The following CAMTA1 variants were observed in gnomAD, a reference collection of about 807,000 sequenced individuals.
CAMTA1 encodes the protein calmodulin binding transcription activator 1.
CAMTA1 carries 27 observed loss-of-function variants against 170.9 expected under a neutral mutation model. The observed-to-expected ratio is 0.16, with a 90% confidence interval of 0.12 to 0.22. CAMTA1 has a LOEUF of 0.22. Ranked by LOEUF, CAMTA1 falls within the 10% of genes least tolerant of loss-of-function variation. The pLI, the probability that CAMTA1 is intolerant of heterozygous loss-of-function variation, is 1.00. For synonymous variants in CAMTA1, 833 were observed against 891.5 expected, an observed-to-expected ratio of 0.93 and a Z score of 1.17; for missense variants, 1,619 against 2,217.2, an observed-to-expected ratio of 0.73 and a Z score of 5.42.
At chr1:7,038,408 G>GA (rs1471162527) in intron 3 of CAMTA1, among the ~76,000 whole-genome samples, 1 of 152,092 alleles carries the variant, frequency 6.6e-6, no homozygotes, top group East Asian at 1.9e-4. Flanking sequence ...TATATTAAGT[G>GA]AAAAAATTAG....
chr1:7,246,068 A>G (rs959997878), intron 4 of CAMTA1, among the ~76,000 whole-genome samples: 5 of 152,146 alleles, frequency 3.3e-5, no homozygotes, highest in Admixed American at 6.5e-5. Context: ...ATCCCTGTCT[A>G]TCGGGTAAAG....
At chr1:6,962,743 AT>A (rs768429617) in intron 3 of CAMTA1, among the ~76,000 whole-genome samples, 19 of 105,452 alleles carry the variant, frequency 1.8e-4, no homozygotes, top group Non-Finnish European at 3.1e-4. Flanking sequence ...CCCATCCTCC[AT>A]CCCTTTTCGT....
intron 6 of CAMTA1, among the ~76,000 whole-genome samples, chr1:7,637,419 C>T (rs1013909528): frequency 3.3e-5 from 5 of 152,226 alleles, no homozygotes; most frequent in African/African-American, 1.2e-4. Flanking sequence ...CCTGGCCGTG[C>T]CCAGGCACAG....
intron 3 of CAMTA1, among the ~76,000 whole-genome samples, chr1:6,886,656 A>C (rs1673312488): frequency 6.6e-6 from 1 of 152,260 alleles, no homozygotes; most frequent in African/African-American, 2.4e-5. Context: ...TTTGGAAATC[A>C]GTCCCAAATT....
At chr1:7,323,128 A>AAG (rs1678711731) in intron 5 of CAMTA1, among the ~76,000 whole-genome samples, 1 of 151,864 alleles carries the variant, frequency 6.6e-6, no homozygotes, top group Non-Finnish European at 1.5e-5. Flanking sequence ...TTTTTTTAAA[A>AAG]AATTAACCTT....
At chr1:7,334,464 C>T (rs1021530661) in intron 5 of CAMTA1, among the ~76,000 whole-genome samples, 7 of 152,246 alleles carry the variant, frequency 4.6e-5, no homozygotes, top group Non-Finnish European at 1.5e-5. Context: ...TTTCTGCTTA[C>T]CCTAGCATGT....
intron 3 of CAMTA1, among the ~76,000 whole-genome samples, chr1:6,826,034 A>G (rs1158003459): frequency 1.3e-5 from 2 of 152,284 alleles, no homozygotes; most frequent in South Asian, 4.2e-4. Flanking sequence ...TTGATGTCCA[A>G]GTTAAAGCAA....
chr1:6,809,011 TTTCTTC>T (rs201691855), intron 1 of CAMTA1, among the ~76,000 whole-genome samples: 17 of 151,622 alleles, frequency 1.1e-4, no homozygotes, highest in African/African-American at 2.9e-4. Flanking sequence ...TACCACTGTT[TTTCTTC>T]TTCTTCTTTT....
At chr1:7,394,109 A>G (rs2089023213) in intron 5 of CAMTA1, among the ~76,000 whole-genome samples, 3 of 152,176 alleles carry the variant, frequency 2.0e-5, no homozygotes, top group Admixed American at 2.0e-4. Flanking sequence ...GCTGATGAAC[A>G]CTTAGGTTGA....
chr1:7,403,550 G>A (rs2090068279), intron 5 of CAMTA1, among the ~76,000 whole-genome samples: 2 of 152,150 alleles, frequency 1.3e-5, no homozygotes, highest in South Asian at 4.1e-4. Context: ...GAGCTGGTCA[G>A]GTGTTAGTGA....
intron 5 of CAMTA1, among the ~76,000 whole-genome samples, chr1:7,386,543 C>T (rs1208324274): frequency 6.6e-6 from 1 of 152,210 alleles, no homozygotes; most frequent in Non-Finnish European, 1.5e-5. Flanking sequence ...TTGGCCTTCT[C>T]TCTCCAACTA....
At chr1:7,009,293 A>G (rs1381168119) in intron 3 of CAMTA1, among the ~76,000 whole-genome samples, 1 of 152,202 alleles carries the variant, frequency 6.6e-6, no homozygotes, top group East Asian at 1.9e-4. Context: ...GATGGCTGCC[A>G]GGACTTGAGG....
At chr1:6,861,967 T>C (rs1355315673) in intron 3 of CAMTA1, among the ~76,000 whole-genome samples, 1 of 150,376 alleles carries the variant, frequency 6.6e-6, no homozygotes, top group Non-Finnish European at 1.5e-5. Context: ...TATTTGTCTT[T>C]TTTTTTTTTT....
At chr1:7,066,774 G>A (rs1315988819) in intron 3 of CAMTA1, among the ~76,000 whole-genome samples, 1 of 152,200 alleles carries the variant, frequency 6.6e-6, no homozygotes, top group African/African-American at 2.4e-5. Flanking sequence ...CCATGTTCAG[G>A]GCCTGGACTT....
intron 5 of CAMTA1, among the ~76,000 whole-genome samples, chr1:7,416,721 C>T (rs1224014583): frequency 4.6e-5 from 7 of 152,302 alleles, no homozygotes; most frequent in East Asian, 3.9e-4. Context: ...TCCTGTAGCT[C>T]GGAGTAGTTT....
At chr1:6,958,306 C>T (rs901377330) in intron 3 of CAMTA1, among the ~76,000 whole-genome samples, 3 of 152,206 alleles carry the variant, frequency 2.0e-5, no homozygotes, top group Non-Finnish European at 4.4e-5. Flanking sequence ...TGCACAAACC[C>T]ACCAGCAGGG....
intron 5 of CAMTA1, among the ~76,000 whole-genome samples, chr1:7,409,449 G>A (rs79848835): frequency 1.2e-3 from 186 of 152,288 alleles, no homozygotes; most frequent in African/African-American, 4.0e-3. Context: ...CAGGCTGGTC[G>A]AGAGCCTGGC....
intron 4 of CAMTA1, among the ~76,000 whole-genome samples, chr1:7,230,668 A>G (rs552129699): frequency 5.9e-5 from 9 of 152,152 alleles, no homozygotes; most frequent in Non-Finnish European, 1.2e-4. Context: ...CAGGCTCTTC[A>G]GCTCGGGAGC....
chr1:7,620,291 T>C (rs2095588863), intron 6 of CAMTA1, among the ~76,000 whole-genome samples: 1 of 152,212 alleles, frequency 6.6e-6, no homozygotes, highest in Non-Finnish European at 1.5e-5. Flanking sequence ...CTGCTGAGCA[T>C]CCTCTATTGC....
Sources: gnomAD v4.1 joint callset for allele counts (sites outside exome capture counted in the v4.1 genomes callset) on GRCh38, gnomAD v4.1.1 for gene constraint, MANE v1.5 for transcripts, NCBI Gene and HGNC (gene_info 2026-07-23, HGNC 2026-07-21) for gene names.